Variants in NPAS1 observed in about 807,000 individuals in gnomAD.
NPAS1 encodes the protein neuronal PAS domain protein 1.
Under a neutral mutation model 49.2 loss-of-function variants are expected in NPAS1, and 29 were observed. The ratio of observed to expected loss-of-function variants is 0.59; its 90% confidence interval spans 0.44 to 0.80. NPAS1 has a LOEUF of 0.80. Among genes scored for constraint, NPAS1 ranks in the 30% least tolerant of loss-of-function variants. The pLI, the probability that NPAS1 is intolerant of heterozygous loss-of-function variation, is 0.00. For synonymous variants in NPAS1, 408 were observed against 380.4 expected (o/e 1.07, Z -0.84); for missense variants, 825 against 835.5 (o/e 0.99, Z 0.15).
Position 47,021,839 on chromosome 19 carries a change from C to T in NPAS1, c.350C>T (p.Ala117Val), listed in dbSNP as rs747938375. The part of the protein sequence containing the change: ...PWGLRAAGPP[A>V]GLAPGRRGPA... ...GGGCTGAGAGCCGCGGGGCCGCCAG[C>T]TGGCCTCGGTGAGTGCTCATGCGCG... The change falls in exon 3 of 12, where the codon GCT becomes GTT. Residue 117 changes from alanine (A) to valine (V), a missense_variant. Ala to Val is a moderately conservative substitution (Grantham distance 64, BLOSUM62 0). Transcript: ENST00000602212. This position sits in a 1 kb window ranked among gnomAD's most constrained non-coding sequence, Gnocchi z 5.7. The T allele has an allele frequency of 1.3e-6, 2 of 1,496,714 alleles. No individual in the cohort carries two copies. Among genetic ancestry groups the T allele is most frequent in the Middle Eastern group, 2.4e-4 (1 of 4,244 alleles). 92.7% of individuals were successfully genotyped at this position (1,496,714 alleles called of 1,614,324 possible).
chr19:47,021,554 T>C lies in NPAS1; in HGVS notation c.123-58T>C. 8.2e-7 allele frequency: 1 copy of C among 1,218,132 alleles called. No homozygotes were observed. The highest frequency in any genetic ancestry group is 1.1e-6 in the Non-Finnish European group (1 of 917,384). 75.5% of individuals were successfully genotyped at this position (1,218,132 alleles called of 1,614,324 possible). On this transcript the variant is annotated intron_variant, in intron 2 of 11. Transcript: ENST00000602212. The surrounding 1 kb of genome is among the most constrained non-coding windows in gnomAD (Gnocchi z 5.7). ...CCCGGGAGGCGGGGCTCGCCCCCAG[T>C]TCCCAAGCCCCTGAGCCCCGGGGCC...
chr19:47,042,765 A>G, intron 10 of NPAS1, 45 bp from the exon 11 acceptor site: 1 of 1,519,128 alleles, frequency 6.6e-7, no homozygotes, highest in Admixed American at 1.9e-5. Context: ...GAGTCCTGAG[A>G]GGCCAAGGAC....
chr19:47,031,169 T>A (rs567488502), intron 3 of NPAS1, among the ~76,000 whole-genome samples: 4 of 151,298 alleles, frequency 2.6e-5, no homozygotes, highest in African/African-American at 9.7e-5. Context: ...AATTCCATAT[T>A]TGTTAGTTTC....
chr19:47,037,701 A>G (rs1179387570), intron 6 of NPAS1, among the ~76,000 whole-genome samples: 2 of 152,186 alleles, frequency 1.3e-5, no homozygotes, highest in Admixed American at 1.3e-4. Flanking sequence ...CTTAACACCA[A>G]AAACATCTGA....
chr19:47,041,979 CAAAAAAAAA>C lies in NPAS1; in HGVS notation c.1218-811_1218-803del, dbSNP rs369320245. Among the ~76,000 whole-genome samples the C allele has an allele frequency of 5.8e-3, 554 of 96,094 alleles. 9 individuals are homozygous for C. The highest frequency in any genetic ancestry group is 0.026 in the African/African-American group (532 of 20,522). 63.0% of individuals were successfully genotyped at this position (96,094 alleles called of 152,430 possible). On this transcript the variant is annotated intron_variant, in intron 10 of 11. Transcript: ENST00000602212. The stretch of plus-strand genomic sequence containing the variant: ...TGGGCGACAGAGTGAGACCCTGTCT[CAAAAAAAAA>C]AAAAAAAAAAAAAAAAAAAGGAAAA...
At chr19:47,037,579 G>A (rs930242314) in intron 6 of NPAS1, among the ~76,000 whole-genome samples, 1 of 152,036 alleles carries the variant, frequency 6.6e-6, no homozygotes, top group African/African-American at 2.4e-5. Flanking sequence ...CTCCCACTGT[G>A]TATGGGAGGG....
rs552378541 is a variant in NPAS1, at chr19:47,021,880, G to C, written c.358+33G>C. The C allele has an allele frequency of 5.2e-6, 7 of 1,347,624 alleles. No homozygotes were observed. In the East Asian group the frequency reaches 1.7e-4, roughly 33 times the overall value. The allele number at this position is 1,347,624 out of a possible 1,614,324, so 83.5% of individuals were successfully genotyped here. On this transcript the variant is annotated intron_variant, in intron 3 of 11. Coordinates refer to ENST00000602212, the MANE Select transcript of NPAS1 (RefSeq NM_002517.4). The surrounding 1 kb of genome is among the most constrained non-coding windows in gnomAD (Gnocchi z 5.7). ...CTCATGCGCGGGGCGAGGGTCCCGG[G>C]GCCCTCCAGGCGGAGTCACTGCAGC...
chr19:47,042,334 C>A (rs894654768), intron 10 of NPAS1, among the ~76,000 whole-genome samples: 2 of 152,064 alleles, frequency 1.3e-5, no homozygotes, highest in Non-Finnish European at 2.9e-5. Context: ...AACAAAAAAA[C>A]CCTTCTAGCT....
At position 47,045,470 on chromosome 19, in the gene NPAS1, C is replaced by T. The variant is rs1268843248; in HGVS notation, c.1592C>T (p.Pro531Leu). ...PTLLHAGFLP[P>L]VVRGLCTPGT... The stretch of plus-strand genomic sequence containing the variant: ...CTCCTGCACGCGGGCTTCCTGCCGC[C>T]GGTGGTGCGGGGCCTGTGCACACCC... Residue 531 changes from proline to leucine, a missense_variant, in exon 12 of 12, where the codon CCG (proline) becomes CTG (leucine). By Grantham distance (98) the Pro-to-Leu change is moderately conservative (BLOSUM62 -3). Coordinates refer to ENST00000602212, the MANE Select transcript of NPAS1 (RefSeq NM_002517.4). 7.0e-6 allele frequency: 11 copies of T among 1,578,250 alleles called. No individual in the cohort carries two copies. The highest frequency in any genetic ancestry group is 1.1e-5 in the South Asian group (1 of 87,900).
At chr19:47,040,335 C>G (rs912084199) in intron 8 of NPAS1, 109 bp from the exon 9 acceptor site, 16 of 690,014 alleles carry the variant, frequency 2.3e-5, no homozygotes, top group Middle Eastern at 4.9e-4. Context: ...ACTGTTATTG[C>G]ACCCATTTTA....
At chr19:47,039,714 G>A in intron 8 of NPAS1, 150 bp downstream of exon 8, 1 of 919,128 alleles carries the variant, frequency 1.1e-6, no homozygotes, top group Non-Finnish European at 1.6e-6. Context: ...AGGGTGATGG[G>A]GAGAAGGGAG....
chr19:47,027,509 CATCTCTCT>C lies in NPAS1; in HGVS notation c.359-4768_359-4761del, dbSNP rs2056880796. ...TCCCGTCTCTCTGCCCCTGGTCTCC[CATCTCTCT>C]GCCCCTGTTCTCCCTTCTCTCTGCC... On this transcript the variant is annotated intron_variant, in intron 3 of 11. Coordinates refer to ENST00000602212, the MANE Select transcript of NPAS1 (RefSeq NM_002517.4). Among the ~76,000 whole-genome samples, 6 of 23,674 alleles carry C rather than the reference CATCTCTCT, an allele frequency of 2.5e-4. 3 individuals are homozygous for C. The highest frequency in any genetic ancestry group is 8.0e-4 in the Admixed American group (2 of 2,514). 15.5% of individuals were successfully genotyped at this position (23,674 alleles called of 152,430 possible).
chr19:47,042,714 G>A lies in NPAS1; in HGVS notation c.1218-96G>A, dbSNP rs1206365100. On this transcript the variant is annotated intron_variant, in intron 10 of 11. Coordinates refer to ENST00000602212, the MANE Select transcript of NPAS1 (RefSeq NM_002517.4). ...GGTGGGGACTCCACATTTCCCCGTG[G>A]GAGTGTCCACACATTGCCACAAGTT... 5 of 938,782 alleles carry A rather than the reference G, an allele frequency of 5.3e-6. No homozygotes were observed. The African/African-American group carries it at 6.8e-5, about 13-fold the overall frequency. The allele number at this position is 938,782 out of a possible 1,614,324, so 58.2% of individuals were successfully genotyped here.
chr19:47,032,156 G>C, intron 3 of NPAS1, 122 bp from the exon 4 acceptor site: 2 of 849,902 alleles, frequency 2.4e-6, no homozygotes, highest in South Asian at 1.7e-5. Flanking sequence ...TGGGTGCCCA[G>C]ATACCCCAAG....
At chr19:47,026,911 C>A (rs2056874446) in intron 3 of NPAS1, among the ~76,000 whole-genome samples, 1 of 151,540 alleles carries the variant, frequency 6.6e-6, no homozygotes, top group East Asian at 1.9e-4. Flanking sequence ...TGAGATCCTG[C>A]CACTGCACTC....
rs535071978 is a variant in NPAS1 at position 47,045,404 on chromosome 19, G to T, written c.1526G>T (p.Arg509Leu). 9.3e-6 allele frequency: 15 copies of T among 1,611,154 alleles called. No homozygotes were observed. In the South Asian group the frequency reaches 1.2e-4, roughly 13 times the overall value. ...RAGVLKQDPV[R>L]PWGLAPPGDP... The stretch of plus-strand genomic sequence containing the variant: ...GGGGTCCTGAAGCAGGATCCGGTGC[G>T]GCCATGGGGCCTGGCGCCTCCCGGG... Residue 509 changes from arginine (R) to leucine (L), a missense_variant, in exon 12 of 12, where the codon CGG (arginine) becomes CTG (leucine). Arg to Leu is a moderately radical substitution (Grantham distance 102). Transcript: ENST00000602212.
chr19:47,038,068 A>G (rs1308643495), intron 6 of NPAS1, among the ~76,000 whole-genome samples: 1 of 152,100 alleles, frequency 6.6e-6, no homozygotes, highest in Admixed American at 6.6e-5. Context: ...GGGATGGCTG[A>G]CCCAGCCTGA....
chr19:47,020,704 C>T (rs1368651498), intron 1 of NPAS1, among the ~76,000 whole-genome samples: 4 of 151,146 alleles, frequency 2.6e-5, no homozygotes, highest in Non-Finnish European at 5.9e-5. Context: ...CGGGCCGGTT[C>T]GATCCGTATG....
In NPAS1 at chr19:47,039,483, C is replaced by G; in HGVS notation, c.881C>G (p.Pro294Arg). 6.2e-7 allele frequency: 1 copy of G among 1,611,066 alleles called. No individual in the cohort carries two copies. The highest frequency in any genetic ancestry group is 8.5e-7 in the Non-Finnish European group (1 of 1,179,014). ...VALGHTLPPA[P>R]LAELPLHGHM... The stretch of plus-strand genomic sequence containing the variant: ...CTCGGGCACACGTTGCCCCCGGCCC[C>G]CCTGGCTGAGCTGCCACTCCATGGA... The change falls in exon 8 of 12, where the codon CCC becomes CGC. Residue 294 changes from proline (P) to arginine (R), a missense_variant. Transcript: ENST00000602212.
Sources: allele counts gnomAD v4.1 joint callset (sites outside exome capture counted in the v4.1 genomes callset), GRCh38; gene constraint gnomAD v4.1.1; non-coding constraint Gnocchi (gnomAD v3.1); transcripts MANE v1.5; gene names NCBI Gene and HGNC (gene_info 2026-07-23, HGNC 2026-07-21).